KDM4C: variants seen among roughly 807,000 people sequenced by gnomAD.
KDM4C encodes the protein lysine-specific demethylase 4C.
Under a neutral mutation model 129.3 loss-of-function variants are expected in KDM4C, and 81 were observed. The ratio of observed to expected loss-of-function variants is 0.63; its 90% CI spans 0.52 to 0.75. The LOEUF (loss-of-function observed/expected upper bound fraction) is 0.75. KDM4C is among the 30% of genes least tolerant of loss of function. KDM4C has a pLI of 0.00. For synonymous variants in KDM4C, 573 were observed against 456.1 expected (o/e 1.26, Z -3.26); for missense variants, 1,457 against 1,304.0 (o/e 1.12, Z -1.81).
intron 1 of KDM4C, among the ~76,000 whole-genome samples, chr9:6,746,808 A>G (rs1212894714): frequency 6.7e-6 from 1 of 149,240 alleles, no homozygotes; most frequent in South Asian, 2.1e-4. Context: ...GGAGATCGAG[A>G]CCATCCTGGC....
intron 4 of KDM4C, among the ~76,000 whole-genome samples, chr9:6,816,786 A>G (rs1273593935): frequency 6.7e-6 from 1 of 149,352 alleles, no homozygotes; most frequent in Admixed American, 6.7e-5. Flanking sequence ...TGTTCACTGA[A>G]TGTTTGGATT....
intron 19 of KDM4C, among the ~76,000 whole-genome samples, chr9:7,134,669 A>G (rs940601041): frequency 6.6e-6 from 1 of 152,212 alleles, no homozygotes; most frequent in Non-Finnish European, 1.5e-5. Context: ...TATAAACACA[A>G]TTTACATAAG....
chr9:7,166,855 A>T (rs1398951430), intron 20 of KDM4C, among the ~76,000 whole-genome samples: 3 of 152,160 alleles, frequency 2.0e-5, no homozygotes, highest in Non-Finnish European at 4.4e-5. Context: ...TATAGACTCA[A>T]TGAAAAAGTT....
At chr9:6,840,741 G>A (rs1051147490) in intron 4 of KDM4C, among the ~76,000 whole-genome samples, 2 of 152,176 alleles carry the variant, frequency 1.3e-5, no homozygotes, top group African/African-American at 4.8e-5. Flanking sequence ...GTTACTGACT[G>A]GGCACCTTCC....
At chr9:6,992,870 T>G (rs117403314) in intron 12 of KDM4C, among the ~76,000 whole-genome samples, 1,991 of 152,266 alleles carry the variant, frequency 0.013, 23 homozygotes, top group East Asian at 0.034. Context: ...GAACGAGCAT[T>G]TCTCTATTGA....
At chr9:7,006,328 G>C (rs1821664573) in intron 12 of KDM4C, among the ~76,000 whole-genome samples, 2 of 152,088 alleles carry the variant, frequency 1.3e-5, no homozygotes, top group Admixed American at 1.3e-4. Context: ...TGTCCTGTGG[G>C]GTTGAGTCTC....
At chr9:6,992,952 G>C (rs1192191956) in intron 12 of KDM4C, among the ~76,000 whole-genome samples, 1 of 152,212 alleles carries the variant, frequency 6.6e-6, no homozygotes, top group African/African-American at 2.4e-5. Flanking sequence ...TCTGGGAGCT[G>C]CTATGCCACT....
At chr9:6,838,100 G>A (rs1294598667) in intron 4 of KDM4C, among the ~76,000 whole-genome samples, 1 of 152,118 alleles carries the variant, frequency 6.6e-6, no homozygotes, top group Non-Finnish European at 1.5e-5. Context: ...GTTTAATAAT[G>A]ATATATTTCT....
At chr9:6,889,479 G>A (rs1180495375) in intron 7 of KDM4C, among the ~76,000 whole-genome samples, 3 of 152,082 alleles carry the variant, frequency 2.0e-5, no homozygotes, top group Admixed American at 6.5e-5. Context: ...CGGGTGTAGG[G>A]AGGCACTATG....
At chr9:6,790,554 G>A (rs757589646) in intron 1 of KDM4C, among the ~76,000 whole-genome samples, 1 of 143,184 alleles carries the variant, frequency 7.0e-6, no homozygotes, top group Non-Finnish European at 1.5e-5. Context: ...GCCCTGGCCA[G>A]CCCTGCTCTG....
intron 1 of KDM4C, among the ~76,000 whole-genome samples, chr9:6,790,589 C>T (rs1406041919): frequency 7.3e-6 from 1 of 136,568 alleles, no homozygotes; most frequent in African/African-American, 2.8e-5. Context: ...TATCTCATGA[C>T]GTTTCACCCT....
chr9:7,073,301 G>A (rs1408742540), intron 17 of KDM4C, among the ~76,000 whole-genome samples: 1 of 152,120 alleles, frequency 6.6e-6, no homozygotes, highest in South Asian at 2.1e-4. Context: ...TTTTCTCATT[G>A]CAGATTAAAT....
chr9:7,060,779 C>T (rs989540639), intron 17 of KDM4C, among the ~76,000 whole-genome samples: 4 of 151,802 alleles, frequency 2.6e-5, no homozygotes, highest in African/African-American at 4.8e-5. Context: ...TGTGCCTGGC[C>T]AGGATTTTAT....
chr9:6,846,192 G>A (rs1337030036), intron 4 of KDM4C, among the ~76,000 whole-genome samples: 1 of 152,190 alleles, frequency 6.6e-6, no homozygotes, highest in African/African-American at 2.4e-5. Context: ...AAAGGATCAG[G>A]ACTAGAAGCA....
At chr9:6,985,660 A>G (rs145199221) in intron 10 of KDM4C, among the ~76,000 whole-genome samples, 132 of 152,270 alleles carry the variant, frequency 8.7e-4, no homozygotes, top group African/African-American at 3.0e-3. Flanking sequence ...GGCAATACAT[A>G]TGGATATTTC....
At position 7,015,904 on chromosome 9, in the gene KDM4C, G is replaced by A. The variant is rs769270651; in HGVS notation, c.2234G>A (p.Arg745Gln). 8 of 1,612,340 alleles carry A rather than the reference G, an allele frequency of 5.0e-6. No homozygotes were observed. The highest frequency in any genetic ancestry group is 6.8e-6 in the Non-Finnish European group (8 of 1,178,824). The change falls in exon 15 of 22, where the codon CGG becomes CAG. Residue 745 changes from arginine (R) to glutamine (Q), a missense_variant. Coordinates refer to ENST00000381309, the MANE Select transcript of KDM4C (RefSeq NM_015061.6). ...ATCTGTGATGGATGGCTGTGTGCCCGGTGCAAAAGAAATGCGTGGACAGCA... is the reference window on the plus strand; with the variant it reads ...ATCTGTGATGGATGGCTGTGTGCCCAGTGCAAAAGAAATGCGTGGACAGCA... ...HEICDGWLCARCKRNAWTAEC... is the reference protein window; with the variant it reads ...HEICDGWLCAQCKRNAWTAEC...
At chr9:7,101,248 A>G (rs1212097355) in intron 17 of KDM4C, among the ~76,000 whole-genome samples, 1 of 152,174 alleles carries the variant, frequency 6.6e-6, no homozygotes, top group Non-Finnish European at 1.5e-5. Flanking sequence ...AACATTCTTA[A>G]GTGCACATAG....
intron 17 of KDM4C, among the ~76,000 whole-genome samples, chr9:7,075,562 C>G (rs1006615195): frequency 2.0e-5 from 3 of 152,188 alleles, no homozygotes; most frequent in African/African-American, 7.2e-5. Flanking sequence ...CATGTGATCT[C>G]TTTGCACTCC....
intron 12 of KDM4C, among the ~76,000 whole-genome samples, chr9:7,002,457 CTT>C (rs1554690268): frequency 6.6e-6 from 1 of 152,142 alleles, no homozygotes; most frequent in Non-Finnish European, 1.5e-5. Flanking sequence ...GAACATGAGA[CTT>C]TTACTGTGTT....
Sources: allele counts gnomAD v4.1 joint callset (sites outside exome capture counted in the v4.1 genomes callset), GRCh38; gene constraint gnomAD v4.1.1; transcripts MANE v1.5; gene names NCBI Gene and HGNC (gene_info 2026-07-23, HGNC 2026-07-21).